RAB7A: variants seen among roughly 807,000 people sequenced by gnomAD.
RAB7A encodes the protein ras-related protein Rab-7a.
RAB7A carries 2 observed loss-of-function variants against 24.5 expected under a neutral mutation model. The observed-to-expected ratio is 0.08, with a 90% CI of 0.03 to 0.26. RAB7A has a LOEUF of 0.26. Ranked by LOEUF, RAB7A falls within the 10% of genes least tolerant of loss-of-function variation. RAB7A has a pLI of 1.00. For synonymous variants in RAB7A, 100 were observed against 95.9 expected (o/e 1.04, Z -0.25); for missense variants, 118 against 255.7 (o/e 0.46, Z 3.67).
chr3:128,745,011 C>G (rs958568563), intron 1 of RAB7A, among the ~76,000 whole-genome samples: 7 of 151,498 alleles, frequency 4.6e-5, no homozygotes, highest in African/African-American at 1.7e-4. Flanking sequence ...GTAGCTGGGA[C>G]TACAGGCATC....
chr3:128,811,343 G>A (rs1170554175), intron 5 of RAB7A, among the ~76,000 whole-genome samples: 1 of 152,074 alleles, frequency 6.6e-6, no homozygotes, highest in Non-Finnish European at 1.5e-5. Flanking sequence ...AGGTACTGGT[G>A]GGAATATAAA....
intron 1 of RAB7A, among the ~76,000 whole-genome samples, chr3:128,738,681 C>G (rs550545432): frequency 1.3e-5 from 2 of 152,304 alleles, no homozygotes; most frequent in Admixed American, 6.5e-5. Flanking sequence ...ATCTTTCCTA[C>G]CTTAGGAGGG....
intron 3 of RAB7A, among the ~76,000 whole-genome samples, chr3:128,803,591 AGAGAGTTGTAAT>A (rs1466576725): frequency 2.0e-5 from 3 of 152,200 alleles, no homozygotes; most frequent in African/African-American, 7.2e-5. Context: ...GGACATTATG[AGAGAGTTGTAAT>A]GAGAGTTATC....
At chr3:128,801,076 T>C (rs1933688743) in intron 3 of RAB7A, among the ~76,000 whole-genome samples, 1 of 152,214 alleles carries the variant, frequency 6.6e-6, no homozygotes, top group Non-Finnish European at 1.5e-5. Flanking sequence ...CAGTGGAAAC[T>C]TCCCTGGTAA....
At chr3:128,800,787 A>G (rs1423216806) in intron 3 of RAB7A, among the ~76,000 whole-genome samples, 2 of 152,214 alleles carry the variant, frequency 1.3e-5, no homozygotes, top group African/African-American at 2.4e-5. Context: ...TTTAAGGGCT[A>G]GTGGCAGAAG....
chr3:128,748,720 A>T (rs2070646028), intron 1 of RAB7A: 1 of 152,220 alleles, frequency 6.6e-6, no homozygotes, highest in Non-Finnish European at 1.5e-5. Context: ...TGACTCATGG[A>T]TGCCCCATAA....
chr3:128,811,884 A>G (rs922382340), intron 5 of RAB7A, among the ~76,000 whole-genome samples: 1 of 152,080 alleles, frequency 6.6e-6, no homozygotes, highest in Admixed American at 6.6e-5. Context: ...AGTCCACTAG[A>G]AGAAATGGGG....
chr3:128,762,708 T>G (rs974114092), intron 1 of RAB7A, among the ~76,000 whole-genome samples: 2 of 152,142 alleles, frequency 1.3e-5, no homozygotes, highest in African/African-American at 4.8e-5. Flanking sequence ...GGGTGGAGAT[T>G]AGAAGCAGAA....
rs115407768 is a variant in RAB7A at position 128,795,314 on chromosome 3, G to T, written c.-8-46G>T. 2.5e-4 allele frequency: 370 copies of T among 1,509,846 alleles called. No individual in the cohort carries two copies. The African/African-American group carries it at 4.7e-3, about 19-fold the overall frequency. 93.5% of individuals were successfully genotyped at this position (1,509,846 alleles called of 1,614,324 possible). ...TTGTGCAAGGGAGGTGTTTTGTTTT[G>T]GTGTTTCCATCACACTCACAGTGAT... is the stretch of plus-strand genomic sequence containing the variant. On this transcript the variant is annotated intron_variant, in intron 1 of 5. Transcript: ENST00000265062.
intron 1 of RAB7A, among the ~76,000 whole-genome samples, chr3:128,776,207 A>G (rs1933083255): frequency 6.6e-6 from 1 of 152,152 alleles, no homozygotes; most frequent in Non-Finnish European, 1.5e-5. Flanking sequence ...CGTTGTGGCA[A>G]ATGACATAAT....
At chr3:128,762,579 G>A (rs2070783601) in intron 1 of RAB7A, among the ~76,000 whole-genome samples, 1 of 152,130 alleles carries the variant, frequency 6.6e-6, no homozygotes, top group Admixed American at 6.5e-5. Context: ...TCTGGGAGTG[G>A]GGAGTGAGAT....
At chr3:128,766,581 C>T (rs531757187) in intron 1 of RAB7A, among the ~76,000 whole-genome samples, 55 of 152,168 alleles carry the variant, frequency 3.6e-4, no homozygotes, top group Non-Finnish European at 6.9e-4. Context: ...AGATCACTGT[C>T]GACACTGGCA....
intron 3 of RAB7A, among the ~76,000 whole-genome samples, chr3:128,801,169 T>C (rs1933690261): frequency 6.6e-6 from 1 of 152,232 alleles, no homozygotes; most frequent in South Asian, 2.1e-4. Context: ...TAGAGATGTG[T>C]ACAGCATAGT....
chr3:128,790,046 G>C (rs553270104), intron 1 of RAB7A, among the ~76,000 whole-genome samples: 6 of 152,154 alleles, frequency 3.9e-5, no homozygotes, highest in African/African-American at 1.4e-4. Flanking sequence ...ACCTACCTCA[G>C]CCTCCCAAAA....
chr3:128,755,693 A>C (rs889170426), intron 1 of RAB7A, among the ~76,000 whole-genome samples: 5 of 152,210 alleles, frequency 3.3e-5, no homozygotes, highest in African/African-American at 1.2e-4. Context: ...TCAACCTGGA[A>C]AGTGATATGA....
intron 1 of RAB7A, among the ~76,000 whole-genome samples, chr3:128,745,638 T>C (rs1374600890): frequency 1.3e-5 from 2 of 152,222 alleles, no homozygotes; most frequent in Admixed American, 1.3e-4. Context: ...AGTGCTGGGA[T>C]TACCGGCCTG....
At chr3:128,760,846 C>T (rs1012897679) in intron 1 of RAB7A, among the ~76,000 whole-genome samples, 6 of 152,008 alleles carry the variant, frequency 3.9e-5, no homozygotes, top group South Asian at 2.1e-4. Flanking sequence ...TTTCCACTGC[C>T]GGTCCCATAG....
At position 128,808,951 on chromosome 3, in the gene RAB7A, G is replaced by A. The variant is rs151096098; in HGVS notation, c.528+1280G>A. ...TGAAAGGGACAGATCTACTCAATGA[G>A]GAAATTGTTCCACCCAGAATGCCAG... On this transcript the variant is annotated intron_variant, in intron 5 of 5. Coordinates refer to ENST00000265062, the MANE Select transcript of RAB7A (RefSeq NM_004637.6). Among the ~76,000 whole-genome samples, 513 of 152,290 alleles carry A rather than the reference G, an allele frequency of 3.4e-3. 5 individuals carry two copies. Among genetic ancestry groups the A allele is most frequent in the African/African-American group, 0.012 (487 of 41,552 alleles).
chr3:128,739,808 G>A (rs566805941), intron 1 of RAB7A, among the ~76,000 whole-genome samples: 4 of 152,288 alleles, frequency 2.6e-5, no homozygotes, highest in Admixed American at 6.5e-5. Flanking sequence ...AGTGGTTCAC[G>A]CCTGTAATCC....
Sources: allele counts gnomAD v4.1 joint callset (sites outside exome capture counted in the v4.1 genomes callset), GRCh38; gene constraint gnomAD v4.1.1; transcripts MANE v1.5; gene names NCBI Gene and HGNC (gene_info 2026-07-23, HGNC 2026-07-21).